The following PDE1C variants were observed in gnomAD, a reference collection of about 807,000 sequenced individuals.
PDE1C encodes dual specificity calcium/calmodulin-dependent 3',5'-cyclic nucleotide phosphodiesterase 1C.
In PDE1C, 62 loss-of-function variants were observed where a neutral mutation model predicts 93.1. The observed-to-expected ratio is 0.67, with a 90% CI of 0.54 to 0.82. The LOEUF (loss-of-function observed/expected upper bound fraction) is 0.82. PDE1C is among the 40% of genes least tolerant of loss of function. PDE1C has a pLI of 0.00. For synonymous variants in PDE1C, 325 were observed against 310.1 expected, an observed-to-expected ratio of 1.05 and a Z score of -0.50; for missense variants, 742 against 884.6, an observed-to-expected ratio of 0.84 and a Z score of 2.04.
At chr7:32,106,585 T>C (rs964906221) in intron 3 of PDE1C, among the ~76,000 whole-genome samples, 2 of 152,108 alleles carry the variant, frequency 1.3e-5, no homozygotes, top group Non-Finnish European at 2.9e-5. Context: ...ACAGGGGATT[T>C]AGCTAAAAGA....
chr7:31,839,231 T>G (rs1037660330), intron 9 of PDE1C, among the ~76,000 whole-genome samples: 7 of 149,552 alleles, frequency 4.7e-5, no homozygotes, highest in Non-Finnish European at 1.0e-4. Flanking sequence ...CATACGTATA[T>G]GTATGTATGT....
At chr7:31,686,346 A>G in the PDE1C span, among the ~76,000 whole-genome samples, 1 of 152,090 alleles carries the variant, frequency 6.6e-6, no homozygotes, top group African/African-American at 2.4e-5. Flanking sequence ...TCTCCAAAAG[A>G]CAGCATGTCT....
At chr7:31,714,867 C>T in the PDE1C span, among the ~76,000 whole-genome samples, 9 of 152,170 alleles carry the variant, frequency 5.9e-5, no homozygotes, top group African/African-American at 7.2e-5. Context: ...GATGAGATTT[C>T]GGTGGGGACA....
At position 31,859,680 on chromosome 7, in the gene PDE1C, TA is replaced by T. The variant is rs527801640; in HGVS notation, c.750+5261del. ...TGATCCCACTACTGGGATGACCCACTAGTGTTAACAAACAAAAACTTCAAAC... is the reference window on the plus strand; with the variant it reads ...TGATCCCACTACTGGGATGACCCACTGTGTTAACAAACAAAAACTTCAAAC... On this transcript the variant is annotated intron_variant, in intron 7 of 17. Coordinates refer to ENST00000396191, the MANE Select transcript of PDE1C (RefSeq NM_001191057.4). Among the ~76,000 whole-genome samples the T allele has an allele frequency of 1.3e-3, 205 of 152,080 alleles. 2 individuals are homozygous for T. The highest frequency in any genetic ancestry group is 4.7e-3 in the African/African-American group (197 of 41,544).
At chr7:32,271,166 C>G (rs1222337923) in intron 1 of PDE1C, among the ~76,000 whole-genome samples, 1 of 152,002 alleles carries the variant, frequency 6.6e-6, no homozygotes, top group Non-Finnish European at 1.5e-5. Context: ...AACAAACAAA[C>G]AGGGCTCTGC....
intron 2 of PDE1C, among the ~76,000 whole-genome samples, chr7:31,956,667 C>CA (rs150570962): frequency 0.012 from 1,792 of 144,680 alleles, 34 homozygotes; most frequent in African/African-American, 0.042. Flanking sequence ...ACAACAAAAA[C>CA]AAAAAAAAAA....
intron 1 of PDE1C, among the ~76,000 whole-genome samples, chr7:32,328,164 C>G (rs1336191663): frequency 3.9e-5 from 6 of 152,206 alleles, no homozygotes; most frequent in African/African-American, 1.4e-4. Flanking sequence ...CCACTCTCAT[C>G]ACAGTATAGA....
At chr7:32,220,832 A>G (rs184491605) in intron 1 of PDE1C, among the ~76,000 whole-genome samples, 1 of 152,246 alleles carries the variant, frequency 6.6e-6, no homozygotes, top group East Asian at 1.9e-4. Context: ...AAACAAAAAC[A>G]AAAACAAAAT....
chr7:31,732,640 G>C, the PDE1C span, among the ~76,000 whole-genome samples: 7 of 16,728 alleles, frequency 4.2e-4, no homozygotes, highest in African/African-American at 6.4e-4. Flanking sequence ...CTCTCTTTCT[G>C]TGTGTGTGTG....
intron 3 of PDE1C, chr7:32,078,062 A>C: frequency 3.0e-6 from 3 of 983,692 alleles, no homozygotes; most frequent in South Asian, 4.7e-5. Flanking sequence ...AATGAAATTG[A>C]AATTTTTGTT....
the PDE1C span, among the ~76,000 whole-genome samples, chr7:31,691,916 C>A: frequency 6.6e-6 from 1 of 151,374 alleles, no homozygotes; most frequent in Admixed American, 6.6e-5. Context: ...TGGAAGTCAG[C>A]AGGACTGGAC....
In PDE1C at chr7:32,082,542, T is replaced by A. The variant is rs550023488; in HGVS notation, c.308+87243A>T. 2.6e-5 allele frequency among the ~76,000 whole-genome samples: 4 copies of A among 152,344 alleles called. No homozygotes were observed. The South Asian group carries it at 8.3e-4, about 32-fold the overall frequency. On this transcript the variant is annotated intron_variant, in intron 3 of 18. Coordinates refer to the PDE1C transcript ENST00000396193. Reference sequence around the variant, plus strand: ...GCTGGAGATCTGAGAACGGGCAGACTGCCTCCTCAAGTGGGTCCCTGACCC... The same window carrying A: ...GCTGGAGATCTGAGAACGGGCAGACAGCCTCCTCAAGTGGGTCCCTGACCC...
chr7:32,212,589 G>A (rs572287520), intron 1 of PDE1C, among the ~76,000 whole-genome samples: 2 of 152,120 alleles, frequency 1.3e-5, no homozygotes, highest in East Asian at 1.9e-4. Flanking sequence ...TCCAGCACTC[G>A]GTCACATGCG....
intron 16 of PDE1C, among the ~76,000 whole-genome samples, chr7:31,793,056 T>C (rs1784768867): frequency 6.6e-6 from 1 of 152,072 alleles, no homozygotes; most frequent in African/African-American, 2.4e-5. Context: ...ATTTACTCTA[T>C]AGGAGCATAC....
At chr7:31,777,234 G>C (rs1783056676) in intron 16 of PDE1C, among the ~76,000 whole-genome samples, 1 of 152,082 alleles carries the variant, frequency 6.6e-6, no homozygotes, top group Non-Finnish European at 1.5e-5. Context: ...GGGGTTGGAG[G>C]TGAGTGGGAG....
chr7:32,021,055 C>G (rs1788599892), intron 2 of PDE1C, among the ~76,000 whole-genome samples: 1 of 152,102 alleles, frequency 6.6e-6, no homozygotes, highest in African/African-American at 2.4e-5. Context: ...CTCCCCAGGT[C>G]ACTCGTCTGT....
At position 32,369,073 on chromosome 7, in the gene PDE1C, CT is replaced by C. The variant is rs142105034; in HGVS notation, c.310+58748del. Among the ~76,000 whole-genome samples, 821 of 152,166 alleles carry C rather than the reference CT, an allele frequency of 5.4e-3. 6 individuals carry two copies. Among genetic ancestry groups the C allele is most frequent in the African/African-American group, 0.019 (800 of 41,538 alleles). On this transcript the variant is annotated intron_variant, in intron 1 of 1. Coordinates refer to the PDE1C transcript ENST00000672256. ...AAACTTAGGGGGAATGCTTCAGGAT[CT>C]TTGTCTGGGAAAAGATTTTATGAAT...
chr7:31,931,765 G>C (rs1205146321), intron 2 of PDE1C, among the ~76,000 whole-genome samples: 1 of 152,168 alleles, frequency 6.6e-6, no homozygotes. Flanking sequence ...AACCAAAAGA[G>C]AGCCCATATA....
chr7:31,808,658 T>A (rs1787162363), intron 16 of PDE1C, among the ~76,000 whole-genome samples: 1 of 152,010 alleles, frequency 6.6e-6, no homozygotes, highest in South Asian at 2.1e-4. Flanking sequence ...GAACATTTCT[T>A]ATTTATGCTG....
Sources: allele counts gnomAD v4.1 joint callset (sites outside exome capture counted in the v4.1 genomes callset), GRCh38; gene constraint gnomAD v4.1.1; transcripts MANE v1.5; gene names NCBI Gene and HGNC (gene_info 2026-07-23, HGNC 2026-07-21).